CNTN5: variants seen among roughly 807,000 people sequenced by gnomAD.
CNTN5 encodes the protein contactin-5.
CNTN5 carries 77 observed loss-of-function variants against 129.1 expected under a neutral mutation model. The observed-to-expected ratio is 0.60, with a 90% CI of 0.50 to 0.72. The LOEUF (loss-of-function observed/expected upper bound fraction) is 0.72, where lower values mean the gene tolerates loss of function less well. Ranked by LOEUF, CNTN5 falls within the 30% of genes least tolerant of loss-of-function variation. The probability of loss-of-function intolerance (pLI) is 0.00; values close to 1 mark genes in which losing one functional copy is unlikely to be tolerated. For missense variants in CNTN5, 1,478 were observed against 1,328.8 expected (o/e 1.11, Z -1.75); for synonymous variants, 509 against 465.6 (o/e 1.09, Z -1.20).
intron 1 of CNTN5, among the ~76,000 whole-genome samples, chr11:99,241,133 T>G (rs1005691568): frequency 6.6e-6 from 1 of 152,146 alleles, no homozygotes; most frequent in African/African-American, 2.4e-5. Context: ...CCCAGTCTTT[T>G]AATATTACTC....
At chr11:99,210,887 A>G (rs951208698) in intron 1 of CNTN5, among the ~76,000 whole-genome samples, 1 of 152,188 alleles carries the variant, frequency 6.6e-6, no homozygotes, top group Non-Finnish European at 1.5e-5. Flanking sequence ...GATGTATCCT[A>G]AAGTGTCTAG....
intron 3 of CNTN5, among the ~76,000 whole-genome samples, chr11:99,804,384 G>T (rs1432693192): frequency 6.6e-6 from 1 of 151,920 alleles, no homozygotes; most frequent in African/African-American, 2.4e-5. Flanking sequence ...AATAGTGCAA[G>T]TTGTCTTTTA....
At chr11:99,401,288 T>C (rs913509715) in intron 2 of CNTN5, among the ~76,000 whole-genome samples, 1 of 152,202 alleles carries the variant, frequency 6.6e-6, no homozygotes, top group African/African-American at 2.4e-5. Flanking sequence ...AGTTTCATTG[T>C]TCTGCATATT....
At chr11:100,151,551 C>T (rs992493350) in intron 13 of CNTN5, among the ~76,000 whole-genome samples, 3 of 152,240 alleles carry the variant, frequency 2.0e-5, no homozygotes, top group Non-Finnish European at 2.9e-5. Flanking sequence ...ATACTCCTAA[C>T]GGGGCAAGCA....
chr11:99,407,176 G>A (rs1223216527), intron 2 of CNTN5, among the ~76,000 whole-genome samples: 2 of 150,768 alleles, frequency 1.3e-5, no homozygotes, highest in East Asian at 2.0e-4. Flanking sequence ...ATCTGAAACC[G>A]GCAAATCTCA....
chr11:99,607,331 A>C (rs1360083566), intron 3 of CNTN5, among the ~76,000 whole-genome samples: 1 of 143,200 alleles, frequency 7.0e-6, no homozygotes, highest in Non-Finnish European at 1.5e-5. Context: ...TTATGCAGCC[A>C]AAAAACACAT....
intron 1 of CNTN5, among the ~76,000 whole-genome samples, chr11:99,173,963 T>C (rs1343933820): frequency 6.6e-6 from 1 of 151,896 alleles, no homozygotes; most frequent in Non-Finnish European, 1.5e-5. Context: ...ATTTTAACTA[T>C]ATTAAATATA....
At chr11:99,392,236 A>T (rs11501197) in intron 2 of CNTN5, among the ~76,000 whole-genome samples, 7 of 151,714 alleles carry the variant, frequency 4.6e-5, no homozygotes, top group East Asian at 1.9e-4. Flanking sequence ...AAATAAAAAT[A>T]AAAAACTCAA....
At chr11:99,564,762 TG>T (rs1948949665) in intron 3 of CNTN5, among the ~76,000 whole-genome samples, 1 of 152,172 alleles carries the variant, frequency 6.6e-6, no homozygotes, top group African/African-American at 2.4e-5. Context: ...CCCAAATGTG[TG>T]CAGAGATAGC....
At chr11:99,412,141 T>C (rs1942425018) in intron 2 of CNTN5, among the ~76,000 whole-genome samples, 1 of 152,184 alleles carries the variant, frequency 6.6e-6, no homozygotes, top group South Asian at 2.1e-4. Context: ...GATTTTTATA[T>C]AGAAGAAATA....
At chr11:99,951,509 A>G (rs1387051444) in intron 7 of CNTN5, among the ~76,000 whole-genome samples, 1 of 152,118 alleles carries the variant, frequency 6.6e-6, no homozygotes, top group African/African-American at 2.4e-5. Context: ...CAGAATATTA[A>G]TAAGCATGCT....
intron 3 of CNTN5, among the ~76,000 whole-genome samples, chr11:99,755,093 G>C (rs1411225570): frequency 2.0e-5 from 3 of 152,090 alleles, no homozygotes; most frequent in Non-Finnish European, 4.4e-5. Context: ...TGTTAGCAAT[G>C]AAAAATACTC....
At position 99,417,202 on chromosome 11, in the gene CNTN5, A is replaced by G. The variant is rs201237484; in HGVS notation, c.-71+91718A>G. Reference sequence around the variant, plus strand: ...TGAATACATTTTATATCTTTCTATTATTTTTCAATAAGTTATTTTTATATT... The same window carrying G: ...TGAATACATTTTATATCTTTCTATTGTTTTTCAATAAGTTATTTTTATATT... On this transcript the variant is annotated intron_variant, in intron 2 of 24. Coordinates refer to ENST00000524871, the MANE Select transcript of CNTN5 (RefSeq NM_014361.4). Among the ~76,000 whole-genome samples the G allele has an allele frequency of 5.3e-5, 8 of 152,224 alleles. No individual in the cohort carries two copies. In the East Asian group the frequency reaches 1.5e-3, roughly 29 times the overall value.
intron 18 of CNTN5, among the ~76,000 whole-genome samples, chr11:100,285,728 C>A (rs1007963383): frequency 6.6e-6 from 1 of 152,158 alleles, no homozygotes; most frequent in Non-Finnish European, 1.5e-5. Context: ...ATATTTCTGG[C>A]CACAAAAGGA....
At position 99,452,390 on chromosome 11, in the gene CNTN5, T is replaced by G. The variant is rs11219995; in HGVS notation, c.-70-103755T>G. ...CACAGGTGTTTTTTTTTTTTTTTTT[T>G]GGGACGGAGTCTGGTTCTGTCACCT... On this transcript the variant is annotated intron_variant, in intron 2 of 24. Transcript: ENST00000524871. Among the ~76,000 whole-genome samples, 1,242 of 139,944 alleles carry G rather than the reference T, an allele frequency of 8.9e-3. 44 individuals are homozygous for G. In the East Asian group the frequency reaches 0.11, roughly 13 times the overall value. The allele number at this position is 139,944 out of a possible 152,430, so 91.8% of individuals were successfully genotyped here.
chr11:100,163,128 C>T (rs1291898712), intron 13 of CNTN5, among the ~76,000 whole-genome samples: 1 of 150,518 alleles, frequency 6.6e-6, no homozygotes, highest in Admixed American at 6.6e-5. Context: ...TTCATTTCGA[C>T]AAATTAAAAA....
intron 3 of CNTN5, among the ~76,000 whole-genome samples, chr11:99,806,324 C>T (rs1049715779): frequency 1.3e-5 from 2 of 152,020 alleles, no homozygotes; most frequent in African/African-American, 4.8e-5. Context: ...TTGTCCTTAT[C>T]CCCTAAAAAA....
At chr11:99,373,635 C>T (rs968842088) in intron 2 of CNTN5, among the ~76,000 whole-genome samples, 4 of 148,904 alleles carry the variant, frequency 2.7e-5, no homozygotes, top group Non-Finnish European at 5.9e-5. Flanking sequence ...ATCGCTTGAA[C>T]CTGGGAGGTG....
At chr11:99,424,635 C>T (rs1349879780) in intron 2 of CNTN5, among the ~76,000 whole-genome samples, 2 of 152,236 alleles carry the variant, frequency 1.3e-5, no homozygotes, top group Non-Finnish European at 1.5e-5. Flanking sequence ...TGGTGGTGCC[C>T]ACAAGCTTGG....
Sources: gnomAD v4.1 joint callset for allele counts (sites outside exome capture counted in the v4.1 genomes callset) on GRCh38, gnomAD v4.1.1 for gene constraint, MANE v1.5 for transcripts, NCBI Gene and HGNC (gene_info 2026-07-23, HGNC 2026-07-21) for gene names.